The following CDH13 variants were observed in gnomAD, a reference collection of about 807,000 sequenced individuals.
CDH13 encodes the protein cadherin 13, also known as cadherin-13.
A neutral mutation model predicts 63.8 loss-of-function variants in CDH13; 24 were observed. The ratio of observed to expected loss-of-function variants is 0.38; its 90% CI spans 0.27 to 0.53. The LOEUF (loss-of-function observed/expected upper bound fraction) is 0.53, where lower values mean the gene tolerates loss of function less well. Among genes scored for constraint, CDH13 ranks in the 20% least tolerant of loss-of-function variants. The pLI, the probability that CDH13 is intolerant of heterozygous loss-of-function variation, is 0.85. For missense variants in CDH13, 1,049 were observed against 903.1 expected, an observed-to-expected ratio of 1.16 and a Z score of -2.07; for synonymous variants, 503 against 355.3, an observed-to-expected ratio of 1.42 and a Z score of -4.67.
intron 5 of CDH13, among the ~76,000 whole-genome samples, chr16:83,306,035 C>A (rs2089868296): frequency 6.6e-6 from 1 of 152,174 alleles, no homozygotes; most frequent in Non-Finnish European, 1.5e-5. Flanking sequence ...TATTCAGCAG[C>A]ATCCCTTTAC....
chr16:82,828,005 G>A (rs759184631), intron 1 of CDH13, among the ~76,000 whole-genome samples: 9 of 152,048 alleles, frequency 5.9e-5, no homozygotes, highest in Admixed American at 2.6e-4. Context: ...CTCACACTCC[G>A]GGAAACCTCT....
chr16:83,247,983 C>A (rs1344198438), intron 5 of CDH13, among the ~76,000 whole-genome samples: 1 of 152,102 alleles, frequency 6.6e-6, no homozygotes, highest in East Asian at 1.9e-4. Flanking sequence ...CCAGGAAGCC[C>A]CAGGCTGTTG....
At chr16:83,736,591 A>G (rs1911558767) in intron 10 of CDH13, among the ~76,000 whole-genome samples, 2 of 152,026 alleles carry the variant, frequency 1.3e-5, no homozygotes, top group African/African-American at 4.8e-5. Flanking sequence ...AAAGTTGTGA[A>G]GACGTTGTTT....
At chr16:83,418,970 T>A (rs984717778) in intron 6 of CDH13, among the ~76,000 whole-genome samples, 4 of 152,150 alleles carry the variant, frequency 2.6e-5, no homozygotes, top group Non-Finnish European at 4.4e-5. Context: ...CCTAAATTCA[T>A]GAAACATATG....
At chr16:83,260,141 C>G (rs1456447305) in intron 5 of CDH13, among the ~76,000 whole-genome samples, 3 of 149,378 alleles carry the variant, frequency 2.0e-5, no homozygotes, top group African/African-American at 7.5e-5. Flanking sequence ...CACACACACA[C>G]ACGCTCTCTC....
In CDH13 at chr16:83,216,043, A is replaced by C. The variant is rs2039496797; in HGVS notation, c.484-1302A>C. 4.0e-5 allele frequency among the ~76,000 whole-genome samples: 6 copies of C among 150,052 alleles called. No homozygotes were observed. The South Asian group carries it at 1.3e-3, about 32-fold the overall frequency. On this transcript the variant is annotated intron_variant, in intron 4 of 13. Coordinates refer to ENST00000567109, the MANE Select transcript of CDH13 (RefSeq NM_001257.5). ...AGCCTAACCCTCTACATGCTTAAGCATATGCCAGTAACTCACGATTTGCAA... is the reference window on the plus strand; with the variant it reads ...AGCCTAACCCTCTACATGCTTAAGCCTATGCCAGTAACTCACGATTTGCAA...
At chr16:83,237,894 G>A (rs1014952913) in intron 5 of CDH13, among the ~76,000 whole-genome samples, 5 of 152,170 alleles carry the variant, frequency 3.3e-5, no homozygotes, top group African/African-American at 1.2e-4. Context: ...ACTTATATAT[G>A]TCTTATGCAG....
intron 3 of CDH13, among the ~76,000 whole-genome samples, chr16:83,106,735 C>T (rs945435257): frequency 1.3e-5 from 2 of 152,166 alleles, no homozygotes; most frequent in African/African-American, 4.8e-5. Context: ...TGCTCACACC[C>T]TTCCACTTCA....
intron 3 of CDH13, among the ~76,000 whole-genome samples, chr16:83,102,688 A>C (rs1462552921): frequency 1.3e-5 from 2 of 152,140 alleles, no homozygotes; most frequent in African/African-American, 4.8e-5. Context: ...AGGTATAGTC[A>C]GGAGATGTGG....
rs555501321 is a variant in CDH13 at position 83,436,432 on chromosome 16, G to A, written c.782-50045G>A. Among the ~76,000 whole-genome samples, 6 of 152,034 alleles carry A rather than the reference G, an allele frequency of 3.9e-5. No individual in the cohort carries two copies. In the South Asian group the frequency reaches 1.2e-3, roughly 32 times the overall value. On this transcript the variant is annotated intron_variant, in intron 6 of 13. Coordinates refer to ENST00000567109, the MANE Select transcript of CDH13 (RefSeq NM_001257.5). ...GCTGAAGTGAGTTATGACGGTACCAGTGCCTCAAGCCTGGGTGACAGAGTG... is the reference window on the plus strand; with the variant it reads ...GCTGAAGTGAGTTATGACGGTACCAATGCCTCAAGCCTGGGTGACAGAGTG...
intron 4 of CDH13, among the ~76,000 whole-genome samples, chr16:83,177,596 G>A (rs1255793647): frequency 6.6e-6 from 1 of 152,206 alleles, no homozygotes; most frequent in Non-Finnish European, 1.5e-5. Context: ...AGTGCCTAGT[G>A]CAGGGTGAGT....
intron 6 of CDH13, among the ~76,000 whole-genome samples, chr16:83,391,864 A>G (rs2151430207): frequency 6.6e-6 from 1 of 152,316 alleles, no homozygotes; most frequent in Admixed American, 6.5e-5. Context: ...CATCTGTACG[A>G]AAATATTTGG....
chr16:83,031,507 T>G (rs141945645), intron 2 of CDH13, among the ~76,000 whole-genome samples: 77 of 151,600 alleles, frequency 5.1e-4, no homozygotes, highest in African/African-American at 1.8e-3. Context: ...TCTCATTCCC[T>G]GAATCTGTTT....
chr16:83,217,563 C>G, intron 5 of CDH13, 66 bp downstream of exon 5: 2 of 1,499,682 alleles, frequency 1.3e-6, no homozygotes, highest in Non-Finnish European at 1.8e-6. Context: ...TGTTTTCTTC[C>G]CACTGAGCTC....
chr16:83,600,089 A>G (rs531104966), intron 7 of CDH13, among the ~76,000 whole-genome samples: 3 of 152,326 alleles, frequency 2.0e-5, no homozygotes, highest in South Asian at 2.1e-4. Context: ...ATACCGAGAG[A>G]TGCCAACGAA....
intron 6 of CDH13, among the ~76,000 whole-genome samples, chr16:83,471,274 C>A (rs1241946129): frequency 5.6e-5 from 3 of 53,134 alleles, no homozygotes; most frequent in East Asian, 1.8e-3. Context: ...TTCTAACCAC[C>A]CTTTTTTTTT....
intron 4 of CDH13, among the ~76,000 whole-genome samples, chr16:83,209,759 C>T (rs900985448): frequency 1.3e-5 from 2 of 151,990 alleles, no homozygotes; most frequent in African/African-American, 4.8e-5. Context: ...CTTTAACAGA[C>T]CTTGCAGGCG....
intron 1 of CDH13, among the ~76,000 whole-genome samples, chr16:82,850,988 A>C (rs557091050): frequency 6.6e-6 from 1 of 152,356 alleles, no homozygotes; most frequent in East Asian, 1.9e-4. Context: ...ACTTTATTGT[A>C]ATATTTGTTT....
At chr16:83,629,563 G>A (rs1481910841) in intron 8 of CDH13, among the ~76,000 whole-genome samples, 3 of 152,160 alleles carry the variant, frequency 2.0e-5, no homozygotes, top group African/African-American at 7.2e-5. Flanking sequence ...TTTCTGCCAA[G>A]CCATCATCTA....
Sources: gnomAD v4.1 joint callset for allele counts (sites outside exome capture counted in the v4.1 genomes callset) on GRCh38, gnomAD v4.1.1 for gene constraint, MANE v1.5 for transcripts, NCBI Gene and HGNC (gene_info 2026-07-23, HGNC 2026-07-21) for gene names.